The following KDM3A variants were observed in gnomAD, a reference collection of about 807,000 sequenced individuals.
KDM3A encodes lysine demethylase 3A, also known as lysine-specific demethylase 3A.
KDM3A carries 60 observed loss-of-function variants against 158.0 expected under a neutral mutation model. The ratio of observed to expected loss-of-function variants is 0.38; its 90% CI spans 0.31 to 0.47. The LOEUF (loss-of-function observed/expected upper bound fraction) is 0.47. KDM3A is among the 20% of genes least tolerant of loss of function. The pLI, the probability that KDM3A is intolerant of heterozygous loss-of-function variation, is 0.99. For missense variants in KDM3A, 1,319 were observed against 1,574.3 expected (o/e 0.84, Z 2.74); for synonymous variants, 608 against 549.3 (o/e 1.11, Z -1.49).
chr2:86,468,875 A>G (rs372858387), intron 10 of KDM3A, among the ~76,000 whole-genome samples: 17 of 152,196 alleles, frequency 1.1e-4, no homozygotes, highest in African/African-American at 4.1e-4. Context: ...TGCTCTCCTC[A>G]GTAAAGAGCT....
At chr2:86,489,907 G>T in intron 23 of KDM3A, 2 of 366,012 alleles carry the variant, frequency 5.5e-6, no homozygotes, top group Non-Finnish European at 9.8e-6. Flanking sequence ...TGCATTTAGA[G>T]ATTTTTGTTC....
At chr2:86,483,848 C>CA in intron 18 of KDM3A, 139 bp from the exon 19 acceptor site, 1 of 668,632 alleles carries the variant, frequency 1.5e-6, no homozygotes, top group Non-Finnish European at 2.5e-6. Context: ...AGAACTAAGC[C>CA]GAAACTGTCA....
chr2:86,477,962 G>A lies in KDM3A; in HGVS notation c.2025G>A (p.Val675=). The change falls in exon 13 of 26, where the codon GTG becomes GTA. Residue 675 remains valine, a synonymous_variant. Coordinates refer to ENST00000312912, the MANE Select transcript of KDM3A (RefSeq NM_018433.6). ...CDTTIFNLHW[V]CPRCGFGVCV... ...CCACCATCTTCAACCTGCACTGGGT[G>A]TGTCCTCGGTGTGGGTTTGGAGTAT... is the stretch of plus-strand genomic sequence containing the variant. The A allele has an allele frequency of 6.2e-7, 1 of 1,614,208 alleles. No individual in the cohort carries two copies. The highest frequency in any genetic ancestry group is 8.5e-7 in the Non-Finnish European group (1 of 1,180,016).
In KDM3A at chr2:86,485,610, C is replaced by T. The variant is rs187513277; in HGVS notation, c.3183-119C>T. On this transcript the variant is annotated intron_variant, in intron 20 of 25. Coordinates refer to ENST00000312912, the MANE Select transcript of KDM3A (RefSeq NM_018433.6). ...CTCATCTTAAATATTTGATGGCTGT[C>T]AGTCTGCATGATCACAGATGGATTT... The T allele has an allele frequency of 3.0e-5, 35 of 1,158,242 alleles. No homozygotes were observed. The African/African-American group carries it at 4.0e-4, about 13-fold the overall frequency. 71.7% of individuals were successfully genotyped at this position (1,158,242 alleles called of 1,614,324 possible). A position where few individuals can be genotyped will look rare whatever the true frequency, so the allele number is the denominator to read the frequency against.
chr2:86,472,360 AT>A (rs1673458007), intron 11 of KDM3A, among the ~76,000 whole-genome samples: 1 of 152,012 alleles, frequency 6.6e-6, no homozygotes, highest in Admixed American at 6.6e-5. Context: ...TTTTTTCCTG[AT>A]GTTTAGAGTG....
intron 4 of KDM3A, among the ~76,000 whole-genome samples, chr2:86,452,578 A>G (rs1329939599): frequency 6.6e-6 from 1 of 152,198 alleles, no homozygotes; most frequent in Non-Finnish European, 1.5e-5. Context: ...AAACACACAC[A>G]TTATAATAAT....
rs1673755249 is a variant in KDM3A, at chr2:86,478,234, C to T, written c.2157C>T (p.Asn719=). The change falls in exon 14 of 26, where the codon AAC becomes AAT. Residue 719 remains asparagine (N), a synonymous_variant. Coordinates refer to ENST00000312912, the MANE Select transcript of KDM3A (RefSeq NM_018433.6). ...AGAGTCAGATACATGAACCAGAGAA[C>T]TTAATGCCCACACAGATCATTCCTG... The part of the protein sequence containing the change: ...CVKSQIHEPE[N]LMPTQIIPGK... The T allele has an allele frequency of 6.2e-7, 1 of 1,613,574 alleles. No homozygotes were observed. The highest frequency in any genetic ancestry group is 8.5e-7 in the Non-Finnish European group (1 of 1,179,536).
At chr2:86,478,835 T>C in intron 15 of KDM3A, 100 bp downstream of exon 15, 1 of 1,096,598 alleles carries the variant, frequency 9.1e-7, no homozygotes, top group Non-Finnish European at 1.3e-6. Context: ...GAAAGGAACC[T>C]GGGGATAGCT....
intron 20 of KDM3A, 24 bp downstream of exon 20, chr2:86,485,053 G>C: frequency 3.1e-6 from 4 of 1,298,632 alleles, no homozygotes; most frequent in Non-Finnish European, 3.4e-6. Flanking sequence ...GGTGGGGAGA[G>C]ATGATTCTGT....
chr2:86,437,257 T>C (rs1573122684), upstream of KDM3A, among the ~76,000 whole-genome samples: 1 of 151,952 alleles, frequency 6.6e-6, no homozygotes, highest in African/African-American at 2.4e-5. Flanking sequence ...AAGTGATTCT[T>C]CTGTCTCAGC....
intron 18 of KDM3A, 128 bp downstream of exon 18, chr2:86,482,822 G>A: frequency 1.2e-6 from 1 of 865,026 alleles, no homozygotes; most frequent in Non-Finnish European, 1.8e-6. Context: ...TATTGTTTCA[G>A]GTGAATATAA....
At chr2:86,439,239 T>C (rs1339596303), upstream of KDM3A, among the ~76,000 whole-genome samples, 1 of 152,016 alleles carries the variant, frequency 6.6e-6, no homozygotes. Context: ...ATACGATTTT[T>C]CTTTTTTAAC....
At chr2:86,446,240 T>C (rs569143817) in intron 2 of KDM3A, among the ~76,000 whole-genome samples, 3 of 152,306 alleles carry the variant, frequency 2.0e-5, no homozygotes, top group South Asian at 2.1e-4. Flanking sequence ...TTCACAATTA[T>C]AGGTAGTGAA....
At chr2:86,442,578 G>A (rs1283037272) in intron 2 of KDM3A, 3 of 188,018 alleles carry the variant, frequency 1.6e-5, no homozygotes, top group Non-Finnish European at 2.2e-5. Flanking sequence ...GACGTTTGGA[G>A]TCATTAAGAA....
At chr2:86,460,596 A>G (rs889358199) in intron 8 of KDM3A, among the ~76,000 whole-genome samples, 1 of 152,192 alleles carries the variant, frequency 6.6e-6, no homozygotes. Context: ...CTTTTGGTTA[A>G]GATAAACCTG....
intron 20 of KDM3A, 86 bp from the exon 21 acceptor site, chr2:86,485,643 T>G: frequency 6.8e-7 from 1 of 1,471,992 alleles, no homozygotes; most frequent in Non-Finnish European, 9.4e-7. Context: ...TTTGTTCCTT[T>G]TGGTGTAGAA....
chr2:86,441,865 G>A, intron 1 of KDM3A, 153 bp from the exon 2 acceptor site: 1 of 326,992 alleles, frequency 3.1e-6, no homozygotes, highest in African/African-American at 2.2e-5. Context: ...GGCGGCGGGG[G>A]GCGGGAGGGC....
chr2:86,490,931 T>C lies in KDM3A; in HGVS notation c.3624T>C (p.His1208=). The part of the protein sequence containing the change: ...QENPADHDPI[H]DQSWYLDRSL... Reference sequence around the variant, plus strand: ...ACCCAGCAGACCACGATCCTATTCATGATCAAAGCTGGTATTTAGACCGAT... The same window carrying C: ...ACCCAGCAGACCACGATCCTATTCACGATCAAAGCTGGTATTTAGACCGAT... Residue 1208 remains histidine (H), a synonymous_variant, in exon 24 of 26, where the codon CAT becomes CAC. Transcript: ENST00000312912. 6.2e-7 allele frequency: 1 copy of C among 1,613,860 alleles called. No homozygotes were observed. Among genetic ancestry groups the C allele is most frequent in the Non-Finnish European group, 8.5e-7 (1 of 1,179,798 alleles).
intron 23 of KDM3A, 50 bp from the exon 24 acceptor site, chr2:86,490,831 T>C (rs375700921): frequency 2.7e-5 from 39 of 1,456,378 alleles, no homozygotes; most frequent in African/African-American, 1.3e-4. Flanking sequence ...AAATGGCTTA[T>C]TGGGCCTTAG....
Sources: allele counts gnomAD v4.1 joint callset (sites outside exome capture counted in the v4.1 genomes callset), GRCh38; gene constraint gnomAD v4.1.1; transcripts MANE v1.5; gene names NCBI Gene and HGNC (gene_info 2026-07-23, HGNC 2026-07-21).